TENM4: variants seen among roughly 807,000 people sequenced by gnomAD.
The protein encoded by TENM4 is teneurin transmembrane protein 4.
A neutral mutation model predicts 243.3 loss-of-function variants in TENM4; 82 were observed. The ratio of observed to expected loss-of-function variants is 0.34; its 90% CI spans 0.28 to 0.40. The LOEUF (loss-of-function observed/expected upper bound fraction) is 0.40. TENM4 is among the 10% of genes least tolerant of loss of function. The pLI, the probability that TENM4 is intolerant of heterozygous loss-of-function variation, is 1.00. For missense variants in TENM4, 3,138 were observed against 3,673.3 expected (o/e 0.85, Z 3.77); for synonymous variants, 1,412 against 1,456.3 (o/e 0.97, Z 0.69).
At chr11:78,756,569 G>A in intron 19 of TENM4, 1 of 509,970 alleles carries the variant, frequency 2.0e-6, no homozygotes, top group Non-Finnish European at 3.6e-6. Flanking sequence ...GTCTTCATCT[G>A]TCACCCAGTG....
At chr11:79,269,194 T>G (rs1855928691) in intron 2 of TENM4, among the ~76,000 whole-genome samples, 1 of 152,214 alleles carries the variant, frequency 6.6e-6, no homozygotes, top group Non-Finnish European at 1.5e-5. Context: ...CTGTTCAAAG[T>G]AGTAGCTAAA....
At chr11:78,999,522 C>G (rs1858262212) in intron 6 of TENM4, among the ~76,000 whole-genome samples, 1 of 151,438 alleles carries the variant, frequency 6.6e-6, no homozygotes, top group Non-Finnish European at 1.5e-5. Context: ...TCTCAAAAAA[C>G]AAAACAAAAC....
chr11:79,338,238 T>G (rs139530660), intron 1 of TENM4, among the ~76,000 whole-genome samples: 149 of 152,144 alleles, frequency 9.8e-4, no homozygotes, highest in African/African-American at 3.4e-3. Context: ...ACCAGGGAGG[T>G]TTGCATGTCC....
chr11:79,190,734 T>G (rs1863462627), intron 3 of TENM4, among the ~76,000 whole-genome samples: 1 of 152,022 alleles, frequency 6.6e-6, no homozygotes. Context: ...TGCAAAGCAG[T>G]TTTCATTATA....
Position 78,702,411 on chromosome 11 carries a change from T to C in TENM4, c.4210-8A>G. ...GGGCCACTCCAGGTGAACCTGACAA[T>C]GAAGACACCGATACTCAAATGACTG... On this transcript the variant is annotated splice_polypyrimidine_tract_variant and splice_region_variant and intron_variant, in intron 27 of 33. Transcript: ENST00000278550. 6.2e-7 allele frequency: 1 copy of C among 1,604,908 alleles called. No homozygotes were observed. Among genetic ancestry groups the C allele is most frequent in the Non-Finnish European group, 8.5e-7 (1 of 1,175,088 alleles).
chr11:78,843,725 T>C (rs776282922), intron 12 of TENM4, among the ~76,000 whole-genome samples: 2 of 152,210 alleles, frequency 1.3e-5, no homozygotes, highest in Non-Finnish European at 2.9e-5. Flanking sequence ...TGGAATGTTC[T>C]GGAACTCACA....
At chr11:79,214,117 G>A (rs943700154) in intron 3 of TENM4, among the ~76,000 whole-genome samples, 1 of 151,742 alleles carries the variant, frequency 6.6e-6, no homozygotes, top group African/African-American at 2.4e-5. Flanking sequence ...TCAGCCTCCC[G>A]AGTAGCTGGG....
chr11:78,755,129 C>T (rs986681733), intron 19 of TENM4, among the ~76,000 whole-genome samples: 2 of 152,164 alleles, frequency 1.3e-5, no homozygotes, highest in Admixed American at 6.5e-5. Context: ...CTTCTTCAGT[C>T]CCTGCTCTTT....
At chr11:78,782,290 C>T (rs182786802) in intron 16 of TENM4, among the ~76,000 whole-genome samples, 6 of 151,954 alleles carry the variant, frequency 3.9e-5, no homozygotes, top group African/African-American at 9.6e-5. Context: ...GGTGAAACCC[C>T]GTCACTACTA....
chr11:78,979,023 G>A lies in TENM4; in HGVS notation c.494-75500C>T, dbSNP rs912732124. Among the ~76,000 whole-genome samples the A allele has an allele frequency of 2.0e-5, 3 of 152,308 alleles. No individual in the cohort carries two copies. The South Asian group carries it at 6.2e-4, about 32-fold the overall frequency. On this transcript the variant is annotated intron_variant, in intron 6 of 33. Transcript: ENST00000278550. ...ATGGGATTGGGGAAATGACAGAAGA[G>A]AAAGGTGCCTGTAGGGTAAGAAATG...
At chr11:78,757,416 C>A (rs921009929) in intron 18 of TENM4, among the ~76,000 whole-genome samples, 1 of 152,234 alleles carries the variant, frequency 6.6e-6, no homozygotes, top group Non-Finnish European at 1.5e-5. Context: ...GCACACCAGG[C>A]TGGGCCTTGC....
intron 1 of TENM4, among the ~76,000 whole-genome samples, chr11:79,326,044 C>T (rs1232654098): frequency 6.6e-6 from 1 of 152,226 alleles, no homozygotes; most frequent in African/African-American, 2.4e-5. Flanking sequence ...TTATTAACCA[C>T]CACCCCCAGA....
At chr11:79,300,373 T>G (rs2135397533) in intron 1 of TENM4, among the ~76,000 whole-genome samples, 1 of 152,344 alleles carries the variant, frequency 6.6e-6, no homozygotes, top group South Asian at 2.1e-4. Context: ...TTTAAATGGT[T>G]ATGTAGATTT....
At chr11:78,952,144 C>T (rs1857120176) in intron 6 of TENM4, among the ~76,000 whole-genome samples, 1 of 152,164 alleles carries the variant, frequency 6.6e-6, no homozygotes, top group Admixed American at 6.5e-5. Flanking sequence ...AGGTCCTTAA[C>T]AAAAAATTTG....
At chr11:78,707,870 T>G (rs1256678776) in intron 27 of TENM4, among the ~76,000 whole-genome samples, 1 of 152,240 alleles carries the variant, frequency 6.6e-6, no homozygotes, top group African/African-American at 2.4e-5. Context: ...AGAAAGTTAC[T>G]GAGTGAGTGA....
rs577179110 is a variant in TENM4 at position 78,669,550 on chromosome 11, G to A, written c.6795C>T (p.Gly2265=). 44 of 1,613,878 alleles carry A rather than the reference G, an allele frequency of 2.7e-5. No individual in the cohort carries two copies. In the African/African-American group the frequency reaches 3.1e-4, roughly 11 times the overall value. The part of the protein sequence containing the change: ...MDEDGFLRQR[G]GDIFEYNSAG... Reference sequence around the variant, plus strand: ...CTGAGTTGTACTCAAAGATATCACCGCCCCGCTGCCTCAGGAAGCCATCCT... The same window carrying A: ...CTGAGTTGTACTCAAAGATATCACCACCCCGCTGCCTCAGGAAGCCATCCT... Residue 2265 remains glycine (G), a synonymous_variant, in exon 32 of 34, where the codon GGC becomes GGT. Transcript: ENST00000278550. The surrounding 1 kb of genome is among the most constrained non-coding windows in gnomAD (Gnocchi z 6.4).
intron 6 of TENM4, among the ~76,000 whole-genome samples, chr11:79,038,830 C>T (rs1859448791): frequency 6.6e-6 from 1 of 152,176 alleles, no homozygotes; most frequent in Admixed American, 6.5e-5. Flanking sequence ...GAAGCCTAGC[C>T]TCATAGAAGA....
At chr11:79,134,309 A>G (rs976636323) in intron 4 of TENM4, among the ~76,000 whole-genome samples, 1 of 152,166 alleles carries the variant, frequency 6.6e-6, no homozygotes, top group Admixed American at 6.5e-5. Context: ...AGATCTCTAC[A>G]AGGAAAACTA....
rs186847274 is a variant in TENM4, at chr11:79,007,686, C to T, written c.493+57052G>A. Among the ~76,000 whole-genome samples, 118 of 152,282 alleles carry T rather than the reference C, an allele frequency of 7.7e-4. 1 individual carries two copies. The highest frequency in any genetic ancestry group is 2.5e-3 in the African/African-American group (103 of 41,564). ...TAGGGGCAGACAGGAAAAGAGCACTCCAGCCAAAGTAGCTCCTCCTCCAAC... is the reference window on the plus strand; with the variant it reads ...TAGGGGCAGACAGGAAAAGAGCACTTCAGCCAAAGTAGCTCCTCCTCCAAC... On this transcript the variant is annotated intron_variant, in intron 6 of 33. Transcript: ENST00000278550.
Sources: gnomAD v4.1 joint callset for allele counts (sites outside exome capture counted in the v4.1 genomes callset) on GRCh38, gnomAD v4.1.1 for gene constraint, Gnocchi (gnomAD v3.1) non-coding constraint, MANE v1.5 for transcripts, NCBI Gene and HGNC (gene_info 2026-07-23, HGNC 2026-07-21) for gene names.